The following NTRK2 variants were observed in gnomAD, a reference collection of about 807,000 sequenced individuals.
The protein encoded by NTRK2 is neurotrophic receptor tyrosine kinase 2, also known as BDNF/NT-3 growth factors receptor.
A neutral mutation model predicts 94.5 loss-of-function variants in NTRK2; 13 were observed. The ratio of observed to expected loss-of-function variants is 0.14; its 90% CI spans 0.09 to 0.22. The LOEUF (loss-of-function observed/expected upper bound fraction) is 0.22. Among genes scored for constraint, NTRK2 ranks in the 10% least tolerant of loss-of-function variants. The probability of loss-of-function intolerance (pLI) is 1.00; values close to 1 mark genes in which losing one functional copy is unlikely to be tolerated. For synonymous variants in NTRK2, 372 were observed against 407.4 expected (o/e 0.91, Z 1.05); for missense variants, 639 against 1,071.2 (o/e 0.60, Z 5.63).
intron 17 of NTRK2, among the ~76,000 whole-genome samples, chr9:84,978,304 T>A (rs1827155662): frequency 6.6e-6 from 1 of 152,192 alleles, no homozygotes; most frequent in Admixed American, 6.5e-5. Flanking sequence ...GCTGCTCCAG[T>A]GAACACATGA....
At chr9:84,741,397 A>G (rs555424223) in intron 9 of NTRK2, among the ~76,000 whole-genome samples, 31 of 152,314 alleles carry the variant, frequency 2.0e-4, no homozygotes, top group African/African-American at 7.5e-4. Flanking sequence ...TAAGGTGGAG[A>G]ATAAAATTGT....
At chr9:84,855,980 A>T (rs1198553472) in intron 12 of NTRK2, among the ~76,000 whole-genome samples, 1 of 152,202 alleles carries the variant, frequency 6.6e-6, no homozygotes, top group Non-Finnish European at 1.5e-5. Flanking sequence ...GGCCACAACT[A>T]ACCACAAGGG....
At chr9:84,854,804 G>A (rs183888176) in intron 12 of NTRK2, among the ~76,000 whole-genome samples, 1 of 151,830 alleles carries the variant, frequency 6.6e-6, no homozygotes, top group African/African-American at 2.4e-5. Flanking sequence ...AAAATTAGCC[G>A]GGCATGATGG....
In NTRK2 at chr9:84,867,572, C is replaced by T. The variant is rs192449523; in HGVS notation, c.1633+141C>T. ...TTGAGGATTCTTGCAGCTTTTGGCC[C>T]AGGAATAGATCCTTTAGTTTGTTGC... On this transcript the variant is annotated intron_variant, in intron 14 of 18. Transcript: ENST00000277120. 5.2e-5 allele frequency: 41 copies of T among 782,808 alleles called. No individual in the cohort carries two copies. The East Asian group carries it at 9.5e-4, about 18-fold the overall frequency. The allele number at this position is 782,808 out of a possible 1,614,324, so 48.5% of individuals were successfully genotyped here.
intron 14 of NTRK2, among the ~76,000 whole-genome samples, chr9:84,884,676 G>A (rs2076360731): frequency 6.6e-6 from 1 of 152,156 alleles, no homozygotes; most frequent in South Asian, 2.1e-4. Flanking sequence ...GCCGCTTGTA[G>A]AGTTCATTAT....
chr9:85,024,840 G>C lies in NTRK2; in HGVS notation c.*3403G>C, dbSNP rs1313914821. ...AAACACTTTGAACTATGCTATAAAA[G>C]ATTATATCAGAATTCATATTATACA... is the stretch of plus-strand genomic sequence containing the variant. On this transcript the variant is annotated 3_prime_UTR_variant, in exon 19 of 19. Coordinates refer to ENST00000277120, the MANE Select transcript of NTRK2 (RefSeq NM_006180.6). 4.3e-6 allele frequency: 1 copy of C among 232,820 alleles called. No homozygotes were observed. Among genetic ancestry groups the C allele is most frequent in the African/African-American group, 2.2e-5 (1 of 45,322 alleles). 14.4% of individuals were successfully genotyped at this position (232,820 alleles called of 1,614,324 possible).
At chr9:84,878,261 T>C (rs535531280) in intron 14 of NTRK2, among the ~76,000 whole-genome samples, 122 of 152,296 alleles carry the variant, frequency 8.0e-4, no homozygotes, top group African/African-American at 2.7e-3. Context: ...GCCAGCATAA[T>C]CCCAGGAGGG....
intron 12 of NTRK2, among the ~76,000 whole-genome samples, chr9:84,753,592 C>T (rs2064830058): frequency 6.6e-6 from 1 of 152,284 alleles, no homozygotes; most frequent in African/African-American, 2.4e-5. Flanking sequence ...ACCAAACTCA[C>T]CCACAGCTTT....
At chr9:84,927,896 G>A (rs1379608439) in intron 14 of NTRK2, among the ~76,000 whole-genome samples, 2 of 152,106 alleles carry the variant, frequency 1.3e-5, no homozygotes, top group East Asian at 3.9e-4. Flanking sequence ...ATAAGTAAGT[G>A]GATTGCTCTA....
chr9:84,953,207 A>T (rs1161783781), intron 16 of NTRK2, among the ~76,000 whole-genome samples: 9 of 152,238 alleles, frequency 5.9e-5, no homozygotes, highest in Admixed American at 5.9e-4. Flanking sequence ...TATCCTGAAG[A>T]GCCCTGTTAC....
At chr9:84,919,354 C>T (rs1250675945) in intron 14 of NTRK2, among the ~76,000 whole-genome samples, 1 of 152,188 alleles carries the variant, frequency 6.6e-6, no homozygotes, top group Non-Finnish European at 1.5e-5. Context: ...GTCTTATCTA[C>T]AAAGCTTCAT....
intron 11 of NTRK2, among the ~76,000 whole-genome samples, chr9:84,750,866 T>C (rs552240609): frequency 1.3e-5 from 2 of 152,322 alleles, no homozygotes; most frequent in East Asian, 3.9e-4. Context: ...TAGAGGAGCA[T>C]CATGCCTTGG....
At chr9:84,931,443 T>G (rs1375145167) in intron 14 of NTRK2, among the ~76,000 whole-genome samples, 5 of 150,222 alleles carry the variant, frequency 3.3e-5, no homozygotes, top group Non-Finnish European at 7.4e-5. Context: ...AGAGAGAAAT[T>G]TATTCCATTT....
At chr9:84,682,670 C>A (rs767476511) in intron 2 of NTRK2, among the ~76,000 whole-genome samples, 76 of 152,168 alleles carry the variant, frequency 5.0e-4, no homozygotes, top group Non-Finnish European at 9.3e-4. Context: ...TCTCCAATAA[C>A]AACCACTGAT....
At chr9:84,858,960 G>A (rs961437745) in intron 12 of NTRK2, among the ~76,000 whole-genome samples, 1 of 152,172 alleles carries the variant, frequency 6.6e-6, no homozygotes, top group Non-Finnish European at 1.5e-5. Context: ...AAGTGTATCA[G>A]CCTCCCTGAA....
At chr9:84,945,928 C>T (rs188112071) in intron 15 of NTRK2, among the ~76,000 whole-genome samples, 1 of 152,262 alleles carries the variant, frequency 6.6e-6, no homozygotes, top group East Asian at 1.9e-4. Context: ...AAATGCCTCA[C>T]CTGCTAATCT....
intron 14 of NTRK2, among the ~76,000 whole-genome samples, chr9:84,912,611 CTTT>C (rs1212242779): frequency 1.5e-4 from 14 of 95,248 alleles, no homozygotes; most frequent in South Asian, 7.9e-4. Flanking sequence ...TTTGACTTGC[CTTT>C]TTTTTTTTTT....
At chr9:84,751,844 A>C in intron 11 of NTRK2, 142 bp from the exon 12 acceptor site, 1 of 713,710 alleles carries the variant, frequency 1.4e-6, no homozygotes, top group Admixed American at 2.0e-5. Context: ...GTTGGTGTAC[A>C]TAAGGCTGTT....
chr9:84,992,504 G>A (rs1829213748), intron 17 of NTRK2, among the ~76,000 whole-genome samples: 1 of 152,060 alleles, frequency 6.6e-6, no homozygotes, highest in South Asian at 2.1e-4. Context: ...CTTTTTCCCT[G>A]AATTATTTGT....
Sources: allele counts gnomAD v4.1 joint callset (sites outside exome capture counted in the v4.1 genomes callset), GRCh38; gene constraint gnomAD v4.1.1; transcripts MANE v1.5; gene names NCBI Gene and HGNC (gene_info 2026-07-23, HGNC 2026-07-21).